Variants in NOS1 observed in about 807,000 individuals in gnomAD.
The protein encoded by NOS1 is NOS type I.
NOS1 carries 51 observed loss-of-function variants against 164.5 expected under a neutral mutation model. The ratio of observed to expected loss-of-function variants is 0.31; its 90% CI spans 0.25 to 0.39. The LOEUF (loss-of-function observed/expected upper bound fraction) is 0.39. NOS1 is among the 10% of genes least tolerant of loss of function. NOS1 has a pLI of 1.00. For synonymous variants in NOS1, 719 were observed against 745.8 expected (o/e 0.96, Z 0.59); for missense variants, 1,362 against 1,885.6 (o/e 0.72, Z 5.14).
At chr12:117,242,046 T>A (rs972928561) in intron 20 of NOS1, among the ~76,000 whole-genome samples, 2 of 152,206 alleles carry the variant, frequency 1.3e-5, no homozygotes, top group African/African-American at 4.8e-5. Context: ...ATAAACTTAT[T>A]TTAGGTGTCA....
chr12:117,233,741 G>C (rs757274565), intron 21 of NOS1, among the ~76,000 whole-genome samples: 2 of 150,404 alleles, frequency 1.3e-5, no homozygotes, highest in African/African-American at 2.5e-5. Flanking sequence ...CTGGGAGGTG[G>C]AGGTTGTGGT....
At chr12:117,316,308 G>C (rs1201538453) in intron 2 of NOS1, among the ~76,000 whole-genome samples, 1 of 152,076 alleles carries the variant, frequency 6.6e-6, no homozygotes, top group Non-Finnish European at 1.5e-5. Flanking sequence ...TGTTCACAGA[G>C]CCCAGGAATT....
intron 17 of NOS1, among the ~76,000 whole-genome samples, chr12:117,251,597 T>C (rs993403956): frequency 3.5e-4 from 13 of 37,004 alleles, no homozygotes; most frequent in Non-Finnish European, 5.0e-4. Context: ...ATTTTTTTCA[T>C]TTTTTTTTTT....
intron 7 of NOS1, among the ~76,000 whole-genome samples, chr12:117,283,026 T>A (rs1873797960): frequency 6.8e-6 from 1 of 147,048 alleles, no homozygotes; most frequent in Admixed American, 6.9e-5. Flanking sequence ...CACAGATTAT[T>A]CCTATAACAT....
chr12:117,337,482 G>A (rs1004910890), intron 1 of NOS1, among the ~76,000 whole-genome samples: 1 of 152,084 alleles, frequency 6.6e-6, no homozygotes, highest in Non-Finnish European at 1.5e-5. Context: ...GCATTATATT[G>A]CCATTGGGCA....
At chr12:117,314,745 T>C (rs1392748499) in intron 2 of NOS1, among the ~76,000 whole-genome samples, 5 of 152,164 alleles carry the variant, frequency 3.3e-5, no homozygotes, top group African/African-American at 1.2e-4. Flanking sequence ...CAGCTGGGAC[T>C]ACAGGCGCAC....
chr12:117,345,100 C>T (rs566508553), intron 1 of NOS1, among the ~76,000 whole-genome samples: 4 of 149,108 alleles, frequency 2.7e-5, no homozygotes. Flanking sequence ...GGCACAATCT[C>T]GGCTCACTGC....
chr12:117,340,871 C>CTTTTTTTTTTTTTTTTTTTT lies in NOS1; in HGVS notation c.-420-9383_-420-9382insAAAAAAAAAAAAAAAAAAAA, dbSNP rs775978271. On this transcript the variant is annotated intron_variant, in intron 1 of 28. Coordinates refer to ENST00000317775, the MANE Select transcript of NOS1 (RefSeq NM_000620.5). Reference sequence around the variant, plus strand: ...CCTGAGTAGCTGATATCACACCTGGCTATTTTTTTTTTTTTTTTTTTTTTT... The same window carrying CTTTTTTTTTTTTTTTTTTTT: ...CCTGAGTAGCTGATATCACACCTGGCTTTTTTTTTTTTTTTTTTTTTATTTTTTTTTTTTTTTTTTTTTTT... Among the ~76,000 whole-genome samples the CTTTTTTTTTTTTTTTTTTTT allele has an allele frequency of 8.3e-5, 8 of 96,434 alleles. 1 individual carries two copies. The highest frequency in any genetic ancestry group is 2.2e-4 in the Admixed American group (2 of 9,242). The allele number at this position is 96,434 out of a possible 152,430, so 63.3% of individuals were successfully genotyped here.
Position 117,285,300 on chromosome 12 carries a change from G to C in NOS1, c.1323C>G (p.His441Gln). ...GGTTACAGATGTAGTTGAACATCCC[G>C]TGGGCCGTGGTGCAGTCACGGGCAT... Reference protein sequence around the residue: ...VFDARDCTTAHGMFNYICNHV... With the variant: ...VFDARDCTTAQGMFNYICNHV... Residue 441 changes from histidine to glutamine, a missense_variant, in exon 7 of 29, where the codon CAC becomes CAG. Coordinates refer to ENST00000317775, the MANE Select transcript of NOS1 (RefSeq NM_000620.5). 1 of 1,610,480 alleles carries C rather than the reference G, an allele frequency of 6.2e-7. No homozygotes were observed. Among genetic ancestry groups the C allele is most frequent in the Non-Finnish European group, 8.5e-7 (1 of 1,177,804 alleles).
rs1870381450 is a variant in NOS1 at position 117,243,651 on chromosome 12, GT to G, written c.2824-217del. Among the ~76,000 whole-genome samples, 1 of 143,382 alleles carries G rather than the reference GT, an allele frequency of 7.0e-6. No homozygotes were observed. The highest frequency in any genetic ancestry group is 2.6e-5 in the African/African-American group (1 of 38,106). The allele number at this position is 143,382 out of a possible 152,430, so 94.1% of individuals were successfully genotyped here. ...CCTTTCTTCCCTCTACCCTTTCGTT[GT>G]CTTCCTTCCATCCATTCACCCATCC... On this transcript the variant is annotated intron_variant, in intron 18 of 28. Coordinates refer to ENST00000317775, the MANE Select transcript of NOS1 (RefSeq NM_000620.5). The surrounding 1 kb of genome is among the most constrained non-coding windows in gnomAD (Gnocchi z 4.3).
chr12:117,208,545 G>C lies in NOS1; in HGVS notation c.*6764C>G. The C allele has an allele frequency of 8.2e-7, 1 of 1,212,410 alleles. No individual in the cohort carries two copies. Among genetic ancestry groups the C allele is most frequent in the Non-Finnish European group, 1.1e-6 (1 of 948,912 alleles). The allele number at this position is 1,212,410 out of a possible 1,614,324, so 75.1% of individuals were successfully genotyped here. A position where few individuals can be genotyped will look rare whatever the true frequency, so the allele number is the denominator to read the frequency against. ...AAAACCACTGCTGAGCCAGGAGTGT[G>C]AGTCTTAACAATCACAACGAGAACA... On this transcript the variant is annotated 3_prime_UTR_variant, in exon 29 of 29. Coordinates refer to ENST00000317775, the MANE Select transcript of NOS1 (RefSeq NM_000620.5).
intron 22 of NOS1, among the ~76,000 whole-genome samples, chr12:117,228,073 A>C (rs1376704311): frequency 1.3e-5 from 2 of 151,982 alleles, no homozygotes; most frequent in Non-Finnish European, 2.9e-5. Context: ...GGAACAAAGA[A>C]GGAAGGAAGG....
At chr12:117,236,897 T>C (rs1869761815) in intron 20 of NOS1, among the ~76,000 whole-genome samples, 1 of 152,144 alleles carries the variant, frequency 6.6e-6, no homozygotes, top group Non-Finnish European at 1.5e-5. Context: ...CATGGGAACG[T>C]GGCTGGCAGG....
intron 9 of NOS1, among the ~76,000 whole-genome samples, chr12:117,273,770 C>T (rs1872962165): frequency 6.6e-6 from 1 of 152,182 alleles, no homozygotes. Flanking sequence ...TGACCCTAAT[C>T]TCAGTCCTGA....
chr12:117,304,563 G>A (rs1275378876), intron 3 of NOS1, among the ~76,000 whole-genome samples: 2 of 152,144 alleles, frequency 1.3e-5, no homozygotes, highest in Non-Finnish European at 2.9e-5. Flanking sequence ...CTACGCACAC[G>A]GCAGGTTATC....
rs1003805987 is a variant in NOS1 at position 117,263,490 on chromosome 12, A to AAAAG, written c.2222+395_2222+398dup. On this transcript the variant is annotated intron_variant, in intron 13 of 28. Transcript: ENST00000317775. ...GCCTGGGGAACAGACCCTATCTCAA[A>AAAAG]AAAGAAAGAAAGAAAGAAAAGAAAT... Among the ~76,000 whole-genome samples, 140 of 151,994 alleles carry AAAAG rather than the reference A, an allele frequency of 9.2e-4. 1 individual carries two copies. In the East Asian group the frequency reaches 0.023, roughly 25 times the overall value.
At chr12:117,279,705 T>C (rs140953018) in intron 8 of NOS1, among the ~76,000 whole-genome samples, 21 of 152,364 alleles carry the variant, frequency 1.4e-4, no homozygotes, top group African/African-American at 5.0e-4. Context: ...ATTTATGTTC[T>C]GGTGACCACG....
Position 117,214,885 on chromosome 12 carries a change from T to C in NOS1, c.*424A>G. On this transcript the variant is annotated 3_prime_UTR_variant, in exon 29 of 29. Transcript: ENST00000317775. ...CACACACAGGCACGCACAACCAAAA[T>C]GTCATCATAAAAAAGGAGAAAGGGG... 1 of 987,446 alleles carries C rather than the reference T, an allele frequency of 1.0e-6. No homozygotes were observed. The highest frequency in any genetic ancestry group is 1.2e-6 in the Non-Finnish European group (1 of 834,302). 61.2% of individuals were successfully genotyped at this position (987,446 alleles called of 1,614,324 possible).
In NOS1 at chr12:117,356,108, T is replaced by C. The variant is rs1876842124; in HGVS notation, c.-421+5404A>G. Among the ~76,000 whole-genome samples the C allele has an allele frequency of 1.3e-5, 2 of 152,346 alleles. No homozygotes were observed. Among genetic ancestry groups the C allele is most frequent in the Non-Finnish European group, 2.9e-5 (2 of 68,034 alleles). On this transcript the variant is annotated intron_variant, in intron 1 of 28. Coordinates refer to ENST00000317775, the MANE Select transcript of NOS1 (RefSeq NM_000620.5). The surrounding 1 kb of genome is among the most constrained non-coding windows in gnomAD (Gnocchi z 4.2). The stretch of plus-strand genomic sequence containing the variant: ...GATCACTGAGATGGGCTGGATGCTG[T>C]TTCCTTTCCAGAGTTAAACACACAC...
Sources: allele counts gnomAD v4.1 joint callset (sites outside exome capture counted in the v4.1 genomes callset), GRCh38; gene constraint gnomAD v4.1.1; non-coding constraint Gnocchi (gnomAD v3.1); transcripts MANE v1.5; gene names NCBI Gene and HGNC (gene_info 2026-07-23, HGNC 2026-07-21).